The following TBC1D24 variants were observed in gnomAD, a reference collection of about 807,000 sequenced individuals.
TBC1D24 encodes the protein TBC1 domain family member 24, also known as Infantile myoclonic epilepsy.
Under a neutral mutation model 50.7 loss-of-function variants are expected in TBC1D24, and 47 were observed. The observed-to-expected ratio is 0.93, with a 90% confidence interval of 0.73 to 1.18. The LOEUF (loss-of-function observed/expected upper bound fraction) is 1.18, where lower values mean the gene tolerates loss of function less well. Among genes scored for constraint, TBC1D24 ranks in the 50% most tolerant of loss-of-function variants. The pLI is 0.00. For synonymous variants in TBC1D24, 324 were observed against 335.2 expected (o/e 0.97, Z 0.36); for missense variants, 688 against 766.5 (o/e 0.90, Z 1.21).
chr16:2,494,420 A>G (rs1206172934), intron 1 of TBC1D24, among the ~76,000 whole-genome samples: 1 of 152,000 alleles, frequency 6.6e-6, no homozygotes, highest in Non-Finnish European at 1.5e-5. Context: ...TCAAAAAAAA[A>G]AAAAAAGGGA....
chr16:2,484,129 TCTC>T (rs1335466507), intron 1 of TBC1D24: 1 of 152,136 alleles, frequency 6.6e-6, no homozygotes, highest in Non-Finnish European at 1.5e-5. Flanking sequence ...TGGTGGTCAT[TCTC>T]CTCTCAGCCT....
rs2065558695 is a variant in TBC1D24 at position 2,475,456 on chromosome 16, C to T, written c.-116+286C>T. 6.6e-6 allele frequency among the ~76,000 whole-genome samples: 1 copy of T among 151,806 alleles called. No homozygotes were observed. The highest frequency in any genetic ancestry group is 2.4e-5 in the African/African-American group (1 of 41,372). On this transcript the variant is annotated intron_variant, in intron 1 of 7. Transcript: ENST00000646147. This position sits in a 1 kb window ranked among gnomAD's most constrained non-coding sequence, Gnocchi z 4.2. ...CCGGTCGCTGGCCCGCGGCCCGGCC[C>T]AGGGCATGGTGTCGTCTGGAAGAGT...
At chr16:2,484,430 C>G (rs950393280) in intron 1 of TBC1D24, 2 of 152,734 alleles carry the variant, frequency 1.3e-5, no homozygotes, top group Non-Finnish European at 2.9e-5. Flanking sequence ...GCCCTGCCAA[C>G]CCCAGCACGC....
chr16:2,499,715 G>A lies in TBC1D24; in HGVS notation c.1207-120G>A. The A allele has an allele frequency of 1.1e-6, 1 of 914,124 alleles. No homozygotes were observed. Among genetic ancestry groups the A allele is most frequent in the South Asian group, 1.3e-5 (1 of 76,388 alleles). 56.6% of individuals were successfully genotyped at this position (914,124 alleles called of 1,614,324 possible). A position where few individuals can be genotyped will look rare whatever the true frequency, so the allele number is the denominator to read the frequency against. On this transcript the variant is annotated intron_variant, in intron 5 of 7. Transcript: ENST00000646147. The surrounding 1 kb of genome is among the most constrained non-coding windows in gnomAD (Gnocchi z 4.0). Reference sequence around the variant, plus strand: ...ACACCACTCCTGCCCTGGGGTGGGGGTGGGAGACGGCAATGCCTGCACCCC... The same window carrying A: ...ACACCACTCCTGCCCTGGGGTGGGGATGGGAGACGGCAATGCCTGCACCCC...
chr16:2,478,703 T>A (rs938766555), intron 1 of TBC1D24: 19 of 151,834 alleles, frequency 1.3e-4, no homozygotes, highest in African/African-American at 4.6e-4. Flanking sequence ...CCGTTGCCTT[T>A]TGGGGGAATG....
In TBC1D24 at chr16:2,483,721, G is replaced by A. The variant is rs2065627488; in HGVS notation, c.-116+8551G>A. ...CCTGAGCTGGAGAGAGAGGAGGCGG[G>A]TGGTGATGGGGAGAGCCCGGCTGCT... On this transcript the variant is annotated intron_variant, in intron 1 of 7. Transcript: ENST00000646147. The surrounding 1 kb of genome is among the most constrained non-coding windows in gnomAD (Gnocchi z 4.0). 6.5e-6 allele frequency: 1 copy of A among 153,030 alleles called. No individual in the cohort carries two copies. The highest frequency in any genetic ancestry group is 6.5e-5 in the Admixed American group (1 of 15,298). 9.5% of individuals were successfully genotyped at this position (153,030 alleles called of 1,614,324 possible). A position where few individuals can be genotyped will look rare whatever the true frequency, so the allele number is the denominator to read the frequency against.
chr16:2,496,227 C>T lies in TBC1D24; in HGVS notation c.79C>T (p.Leu27=). ...AAIQDLGPKE[L]SCTELQELKQ... Reference sequence around the variant, plus strand: ...CATCCAGGACCTGGGGCCCAAGGAGCTGAGCTGCACTGAACTGCAGGAACT... The same window carrying T: ...CATCCAGGACCTGGGGCCCAAGGAGTTGAGCTGCACTGAACTGCAGGAACT... Residue 27 remains leucine, a synonymous_variant, in exon 2 of 8, where the codon CTG becomes TTG. Transcript: ENST00000646147. 1 of 1,613,934 alleles carries T rather than the reference C, an allele frequency of 6.2e-7. No individual in the cohort carries two copies.
At chr16:2,491,064 G>A (rs995992211) in intron 1 of TBC1D24, among the ~76,000 whole-genome samples, 2 of 152,184 alleles carry the variant, frequency 1.3e-5, no homozygotes, top group African/African-American at 4.8e-5. Context: ...TTATGTTTTT[G>A]ATCAGTTTCC....
chr16:2,490,295 C>G (rs1022092111), intron 1 of TBC1D24, among the ~76,000 whole-genome samples: 1 of 152,218 alleles, frequency 6.6e-6, no homozygotes, highest in Non-Finnish European at 1.5e-5. Flanking sequence ...CTTCTCTGCT[C>G]CACACTCAGG....
intron 3 of TBC1D24, 114 bp downstream of exon 3, chr16:2,497,841 G>C (rs373479362): frequency 1.8e-6 from 2 of 1,104,224 alleles, no homozygotes; most frequent in African/African-American, 1.6e-5. Context: ...CTTCAGCAGC[G>C]CTGCCTCTGA....
chr16:2,489,109 G>C (rs2065675656), intron 1 of TBC1D24, among the ~76,000 whole-genome samples: 1 of 148,562 alleles, frequency 6.7e-6, no homozygotes, highest in African/African-American at 2.5e-5. Flanking sequence ...TTGCTTTGGA[G>C]CAGGAACAGA....
chr16:2,485,864 C>T lies in TBC1D24; in HGVS notation c.-115-10170C>T, dbSNP rs761573843. On this transcript the variant is annotated intron_variant, in intron 1 of 7. Transcript: ENST00000646147. This position sits in a 1 kb window ranked among gnomAD's most constrained non-coding sequence, Gnocchi z 4.6. Reference sequence around the variant, plus strand: ...AGAGTTTTTCCAAAGAGTCCAGACACGCTTCCAGGCCCTCTCAGCCACCCC... The same window carrying T: ...AGAGTTTTTCCAAAGAGTCCAGACATGCTTCCAGGCCCTCTCAGCCACCCC... 6.6e-5 allele frequency among the ~76,000 whole-genome samples: 10 copies of T among 152,216 alleles called. No homozygotes were observed. Among genetic ancestry groups the T allele is most frequent in the East Asian group, 3.8e-4 (2 of 5,200 alleles).
chr16:2,486,404 C>T lies in TBC1D24; in HGVS notation c.-115-9630C>T, dbSNP rs1307331890. The stretch of plus-strand genomic sequence containing the variant: ...AGTGAGACGAGCGGCAGCTGACGCC[C>T]ATGCCCTGTTCTGTGGCCCGTGACT... On this transcript the variant is annotated intron_variant, in intron 1 of 7. Coordinates refer to ENST00000646147, the MANE Select transcript of TBC1D24 (RefSeq NM_001199107.2). The surrounding 1 kb of genome is among the most constrained non-coding windows in gnomAD (Gnocchi z 5.8). Among the ~76,000 whole-genome samples, 1 of 152,254 alleles carries T rather than the reference C, an allele frequency of 6.6e-6. No individual in the cohort carries two copies. The highest frequency in any genetic ancestry group is 2.4e-5 in the African/African-American group (1 of 41,462).
chr16:2,499,738 C>A lies in TBC1D24; in HGVS notation c.1207-97C>A, dbSNP rs775770656. On this transcript the variant is annotated intron_variant, in intron 5 of 7. Coordinates refer to ENST00000646147, the MANE Select transcript of TBC1D24 (RefSeq NM_001199107.2). The surrounding 1 kb of genome is among the most constrained non-coding windows in gnomAD (Gnocchi z 4.0). ...GGGTGGGAGACGGCAATGCCTGCAC[C>A]CCCACCTGTGACCTGGGACAGGCCC... 13 of 1,097,938 alleles carry A rather than the reference C, an allele frequency of 1.2e-5. No individual in the cohort carries two copies. Among genetic ancestry groups the A allele is most frequent in the Non-Finnish European group, 1.7e-5 (12 of 709,790 alleles). The allele number at this position is 1,097,938 out of a possible 1,614,324, so 68.0% of individuals were successfully genotyped here. A position where few individuals can be genotyped will look rare whatever the true frequency, so the allele number is the denominator to read the frequency against.
Position 2,496,786 on chromosome 16 carries a change from A to G in TBC1D24, c.638A>G (p.Gln213Arg). The change falls in exon 2 of 8, where the codon CAG (glutamine) becomes CGG (arginine). Residue 213 changes from glutamine (Q) to arginine (R), a missense_variant. Coordinates refer to ENST00000646147, the MANE Select transcript of TBC1D24 (RefSeq NM_001199107.2). ...EDVLQVYADW[Q>R]RWLFGELPLC... Reference sequence around the variant, plus strand: ...GTCCTGCAGGTCTATGCGGACTGGCAGCGCTGGCTGTTTGGGGAGCTGCCC... The same window carrying G: ...GTCCTGCAGGTCTATGCGGACTGGCGGCGCTGGCTGTTTGGGGAGCTGCCC... 6.2e-7 allele frequency: 1 copy of G among 1,614,022 alleles called. No individual in the cohort carries two copies. The highest frequency in any genetic ancestry group is 8.5e-7 in the Non-Finnish European group (1 of 1,180,036).
chr16:2,487,192 C>T lies in TBC1D24; in HGVS notation c.-115-8842C>T, dbSNP rs1159129919. Among the ~76,000 whole-genome samples, 1 of 152,236 alleles carries T rather than the reference C, an allele frequency of 6.6e-6. No homozygotes were observed. Among genetic ancestry groups the T allele is most frequent in the Non-Finnish European group, 1.5e-5 (1 of 68,036 alleles). Reference sequence around the variant, plus strand: ...CCCACAGGCTGCCTCCACACCTTTCCGCCCCTTCCACAGCAGCAGGCACAG... The same window carrying T: ...CCCACAGGCTGCCTCCACACCTTTCTGCCCCTTCCACAGCAGCAGGCACAG... On this transcript the variant is annotated intron_variant, in intron 1 of 7. Coordinates refer to ENST00000646147, the MANE Select transcript of TBC1D24 (RefSeq NM_001199107.2). The surrounding 1 kb of genome is among the most constrained non-coding windows in gnomAD (Gnocchi z 4.1).
At position 2,499,410 on chromosome 16, in the gene TBC1D24, C is replaced by G. The variant is rs61731477; in HGVS notation, c.1196C>G (p.Thr399Arg). The change falls in exon 5 of 8, where the codon ACG (threonine) becomes AGG (arginine). Residue 399 changes from threonine (T) to arginine (R), a missense_variant. Transcript: ENST00000646147. The surrounding 1 kb of genome is among the most constrained non-coding windows in gnomAD (Gnocchi z 4.0). ...CCTACCCTCTTGCTCATCAAGACCA[C>G]GCAGAAGGAGGTGAGCAGGGGCCCT... ...HEPTLLLIKT[T>R]QKEVCGAYLS... The G allele has an allele frequency of 2.5e-6, 4 of 1,613,540 alleles. No individual in the cohort carries two copies. Among genetic ancestry groups the G allele is most frequent in the Non-Finnish European group, 3.4e-6 (4 of 1,179,826 alleles).
intron 1 of TBC1D24, among the ~76,000 whole-genome samples, chr16:2,489,758 C>T (rs1400007922): frequency 6.6e-6 from 1 of 152,238 alleles, no homozygotes; most frequent in Non-Finnish European, 1.5e-5. Context: ...GAACACCTTT[C>T]TAGCACCTGG....
chr16:2,500,419 C>T lies in TBC1D24; in HGVS notation c.1454C>T (p.Ala485Val). 1 of 1,602,370 alleles carries T rather than the reference C, an allele frequency of 6.2e-7. No homozygotes were observed. Among genetic ancestry groups the T allele is most frequent in the South Asian group, 1.1e-5 (1 of 88,932 alleles). The change falls in exon 7 of 8, where the codon GCT (alanine) becomes GTT (valine). Residue 485 changes from alanine (A) to valine (V), a missense_variant. Transcript: ENST00000646147. The surrounding 1 kb of genome is among the most constrained non-coding windows in gnomAD (Gnocchi z 8.0). ...GACCGCCTCTCGCCCTTCCTGGCCGCTCGCCACTTCAACCTGCCCTCCAAG... is the reference window on the plus strand; with the variant it reads ...GACCGCCTCTCGCCCTTCCTGGCCGTTCGCCACTTCAACCTGCCCTCCAAG... ...PADRLSPFLA[A>V]RHFNLPSKTE...
Sources: gnomAD v4.1 joint callset for allele counts (sites outside exome capture counted in the v4.1 genomes callset) on GRCh38, gnomAD v4.1.1 for gene constraint, Gnocchi (gnomAD v3.1) non-coding constraint, MANE v1.5 for transcripts, NCBI Gene and HGNC (gene_info 2026-07-23, HGNC 2026-07-21) for gene names.